The following NR3C2 variants were observed in gnomAD, a reference collection of about 807,000 sequenced individuals.
NR3C2 encodes the protein mineralocorticoid receptor.
In NR3C2, 15 loss-of-function variants were observed where a neutral mutation model predicts 86.4. The ratio of observed to expected loss-of-function variants is 0.17; its 90% CI spans 0.12 to 0.27. The LOEUF is 0.27. NR3C2 is among the 10% of genes least tolerant of loss of function. The probability of loss-of-function intolerance (pLI) is 1.00; values close to 1 mark genes in which losing one functional copy is unlikely to be tolerated. For synonymous variants in NR3C2, 458 were observed against 450.5 expected (o/e 1.02, Z -0.21); for missense variants, 960 against 1,195.6 (o/e 0.80, Z 2.91).
intron 2 of NR3C2, among the ~76,000 whole-genome samples, chr4:148,352,154 G>A (rs1467639784): frequency 6.6e-6 from 1 of 152,128 alleles, no homozygotes; most frequent in Non-Finnish European, 1.5e-5. Context: ...TAAGTCCTGG[G>A]AGAACAGTGT....
chr4:148,349,485 A>G (rs1040213691), intron 2 of NR3C2, among the ~76,000 whole-genome samples: 14 of 152,152 alleles, frequency 9.2e-5, no homozygotes, highest in African/African-American at 3.4e-4. Flanking sequence ...AATTGTACTC[A>G]GAGAAAGAAG....
intron 2 of NR3C2, among the ~76,000 whole-genome samples, chr4:148,417,427 T>C (rs1749067056): frequency 6.6e-6 from 1 of 152,206 alleles, no homozygotes; most frequent in Non-Finnish European, 1.5e-5. Flanking sequence ...CTTTAAACCA[T>C]CTGGAAATTA....
chr4:148,161,830 C>T (rs894682260), intron 4 of NR3C2, among the ~76,000 whole-genome samples: 4 of 152,012 alleles, frequency 2.6e-5, no homozygotes, highest in South Asian at 2.1e-4. Context: ...GAAGTTGAAT[C>T]GATATATAAT....
chr4:148,400,196 CA>C (rs1748072327), intron 2 of NR3C2, among the ~76,000 whole-genome samples: 1 of 152,260 alleles, frequency 6.6e-6, no homozygotes, highest in African/African-American at 2.4e-5. Context: ...ATTCTTAAGG[CA>C]AATATCAAAA....
At position 148,218,175 on chromosome 4, in the gene NR3C2, G is replaced by A. The variant is rs527655831; in HGVS notation, c.1898-23313C>T. ...GTGAATTTGCTATAAGTCTAAGTACGAAAACAAAGGTAAATATCATAGCTA... is the reference window on the plus strand; with the variant it reads ...GTGAATTTGCTATAAGTCTAAGTACAAAAACAAAGGTAAATATCATAGCTA... On this transcript the variant is annotated intron_variant, in intron 3 of 8. Transcript: ENST00000358102. Among the ~76,000 whole-genome samples the A allele has an allele frequency of 1.4e-3, 206 of 152,264 alleles. 1 individual carries two copies. Among genetic ancestry groups the A allele is most frequent in the African/African-American group, 4.1e-3 (172 of 41,560 alleles).
intron 2 of NR3C2, among the ~76,000 whole-genome samples, chr4:148,342,687 T>C (rs1172628021): frequency 2.0e-5 from 3 of 152,200 alleles, no homozygotes; most frequent in Non-Finnish European, 4.4e-5. Context: ...AATCCCCTGC[T>C]ATGCCTTTAT....
chr4:148,254,294 T>C (rs946562517), intron 3 of NR3C2, among the ~76,000 whole-genome samples: 3 of 152,222 alleles, frequency 2.0e-5, no homozygotes, highest in African/African-American at 7.2e-5. Flanking sequence ...GTCCAGGACC[T>C]GGTCCCAATC....
At chr4:148,216,516 G>C (rs556105848) in intron 3 of NR3C2, among the ~76,000 whole-genome samples, 1 of 152,144 alleles carries the variant, frequency 6.6e-6, no homozygotes, top group Non-Finnish European at 1.5e-5. Context: ...CAAGCAGACA[G>C]GCTCTGGCAC....
chr4:148,422,414 A>G (rs1749327949), intron 2 of NR3C2, among the ~76,000 whole-genome samples: 2 of 151,864 alleles, frequency 1.3e-5, no homozygotes, highest in Non-Finnish European at 2.9e-5. Flanking sequence ...TTCCATTTCA[A>G]AAAAAAATAC....
At chr4:148,431,224 C>T (rs72645622) in intron 2 of NR3C2, among the ~76,000 whole-genome samples, 3 of 152,052 alleles carry the variant, frequency 2.0e-5, no homozygotes, top group Non-Finnish European at 4.4e-5. Context: ...AATCATAGAT[C>T]GCCCCTCCTC....
chr4:148,364,401 A>C (rs1746005438), intron 2 of NR3C2, among the ~76,000 whole-genome samples: 1 of 152,186 alleles, frequency 6.6e-6, no homozygotes, highest in Non-Finnish European at 1.5e-5. Flanking sequence ...ATTTAGAGAA[A>C]AGTAATCTTC....
At chr4:148,189,358 T>A (rs1236997552) in intron 4 of NR3C2, among the ~76,000 whole-genome samples, 1 of 152,260 alleles carries the variant, frequency 6.6e-6, no homozygotes, top group Non-Finnish European at 1.5e-5. Flanking sequence ...CTTGCATATG[T>A]TAAAGCATCC....
intron 2 of NR3C2, among the ~76,000 whole-genome samples, chr4:148,333,541 T>A (rs1306036849): frequency 3.3e-5 from 4 of 122,788 alleles, no homozygotes; most frequent in African/African-American, 8.6e-5. Context: ...CTCCTTAAAA[T>A]CTCCCTAGTG....
intron 3 of NR3C2, among the ~76,000 whole-genome samples, chr4:148,256,626 CCCTTGAAGCCAGT>C (rs1463666556): frequency 1.3e-5 from 2 of 152,124 alleles, no homozygotes; most frequent in Non-Finnish European, 2.9e-5. Context: ...AGGTTTCTGA[CCCTTGAAGCCAGT>C]CTAGCTTCCA....
chr4:148,387,309 A>C (rs751606695), intron 2 of NR3C2, among the ~76,000 whole-genome samples: 3 of 152,240 alleles, frequency 2.0e-5, no homozygotes, highest in Non-Finnish European at 4.4e-5. Context: ...AAGGCTGAAC[A>C]GAAAGTCAGA....
intron 4 of NR3C2, among the ~76,000 whole-genome samples, chr4:148,182,924 C>CT (rs113433936): frequency 2.6e-5 from 4 of 152,310 alleles, no homozygotes; most frequent in African/African-American, 9.6e-5. Flanking sequence ...CACCCATCAA[C>CT]TCGTCATATA....
At chr4:148,304,670 A>G (rs1177247264) in intron 2 of NR3C2, among the ~76,000 whole-genome samples, 3 of 151,970 alleles carry the variant, frequency 2.0e-5, no homozygotes, top group Non-Finnish European at 4.4e-5. Flanking sequence ...TAGATGTACT[A>G]CTTTAGAGGG....
intron 2 of NR3C2, among the ~76,000 whole-genome samples, chr4:148,380,033 T>C (rs1278280556): frequency 2.0e-5 from 3 of 152,356 alleles, no homozygotes; most frequent in Non-Finnish European, 2.9e-5. Flanking sequence ...AGGGTAAATA[T>C]AATGGCTGTA....
intron 2 of NR3C2, among the ~76,000 whole-genome samples, chr4:148,423,026 G>C (rs1037927303): frequency 6.6e-6 from 1 of 151,966 alleles, no homozygotes; most frequent in African/African-American, 2.4e-5. Flanking sequence ...CAGGTTTTGG[G>C]TCCAATAACC....
Sources: gnomAD v4.1 joint callset for allele counts (sites outside exome capture counted in the v4.1 genomes callset) on GRCh38, gnomAD v4.1.1 for gene constraint, MANE v1.5 for transcripts, NCBI Gene and HGNC (gene_info 2026-07-23, HGNC 2026-07-21) for gene names.